Variants in ABCA13 observed in about 807,000 individuals in gnomAD.
ABCA13 encodes the protein ATP binding cassette subfamily A member 13.
A neutral mutation model predicts 478.7 loss-of-function variants in ABCA13; 476 were observed. The observed-to-expected ratio is 0.99, with a 90% CI of 0.92 to 1.07. ABCA13 has a LOEUF of 1.07. Among genes scored for constraint, ABCA13 ranks in the 50% least tolerant of loss-of-function variants. The probability of loss-of-function intolerance (pLI) is 0.00; values close to 1 mark genes in which losing one functional copy is unlikely to be tolerated. For synonymous variants in ABCA13, 2,252 were observed against 2,158.9 expected (o/e 1.04, Z -1.20); for missense variants, 6,060 against 5,910.6 (o/e 1.03, Z -0.83).
At chr7:48,536,653 A>C (rs568422390) in intron 55 of ABCA13, among the ~76,000 whole-genome samples, 2 of 152,120 alleles carry the variant, frequency 1.3e-5, no homozygotes, top group African/African-American at 4.8e-5. Flanking sequence ...ATCTCAAAAA[A>C]AAAAAAAATT....
chr7:48,443,127 A>C (rs1448003332), intron 42 of ABCA13, among the ~76,000 whole-genome samples: 1 of 152,190 alleles, frequency 6.6e-6, no homozygotes, highest in Non-Finnish European at 1.5e-5. Flanking sequence ...AACCAAGGAG[A>C]GAGGCCTCAG....
intron 15 of ABCA13, among the ~76,000 whole-genome samples, chr7:48,268,686 T>C (rs1390714976): frequency 6.6e-6 from 1 of 152,096 alleles, no homozygotes. Flanking sequence ...CTCCTTCCTG[T>C]GCCATGGCCT....
At chr7:48,251,668 G>C (rs1792585019) in intron 15 of ABCA13, among the ~76,000 whole-genome samples, 1 of 151,734 alleles carries the variant, frequency 6.6e-6, no homozygotes, top group African/African-American at 2.4e-5. Context: ...TACTAAATAT[G>C]TATATTATTT....
chr7:48,298,339 A>G, intron 22 of ABCA13, 27 bp from the exon 23 acceptor site: 1 of 1,586,494 alleles, frequency 6.3e-7, no homozygotes, highest in Non-Finnish European at 8.6e-7. Flanking sequence ...TTTATTACAC[A>G]AATTTCTTAT....
intron 59 of ABCA13, among the ~76,000 whole-genome samples, chr7:48,639,016 T>C (rs1794904769): frequency 6.6e-6 from 1 of 152,204 alleles, no homozygotes; most frequent in Admixed American, 6.5e-5. Context: ...ACCTCGCTTC[T>C]GTAAATCAGA....
rs1788455782 is a variant in ABCA13, at chr7:48,579,068, T to A, written c.14355-1156T>A. Among the ~76,000 whole-genome samples, 2 of 152,188 alleles carry A rather than the reference T, an allele frequency of 1.3e-5. 1 individual carries two copies. The highest frequency in any genetic ancestry group is 4.8e-5 in the African/African-American group (2 of 41,446). On this transcript the variant is annotated intron_variant, in intron 55 of 61. Transcript: ENST00000435803. ...ACATAGGATAAAATCTAGGTGACCT[T>A]GGATGTGACAATGCCTTTTTAGAGA...
chr7:48,273,366 T>A lies in ABCA13; in HGVS notation c.3700T>A (p.Phe1234Ile). 6.2e-7 allele frequency: 1 copy of A among 1,613,712 alleles called. No homozygotes were observed. Among genetic ancestry groups the A allele is most frequent in the Non-Finnish European group, 8.5e-7 (1 of 1,179,748 alleles). The change falls in exon 17 of 62, where the codon TTT (phenylalanine) becomes ATT (isoleucine). Residue 1234 changes from phenylalanine (F) to isoleucine (I), a missense_variant. Coordinates refer to ENST00000435803, the MANE Select transcript of ABCA13 (RefSeq NM_152701.5). The part of the protein sequence containing the change: ...NWEDFLDLRD[F>I]LVALGNALVS... ...GGAGGACTTCCTGGATCTCAGGGAT[T>A]TTTTGGTAGCTTTAGGTAATGCATT...
intron 31 of ABCA13, among the ~76,000 whole-genome samples, chr7:48,357,798 G>A (rs1432168092): frequency 4.6e-5 from 7 of 151,824 alleles, no homozygotes; most frequent in South Asian, 2.1e-4. Context: ...AGCACTTTGT[G>A]CAGGATGCTT....
At chr7:48,175,765 T>G (rs1794772947) in intron 1 of ABCA13, among the ~76,000 whole-genome samples, 1 of 152,208 alleles carries the variant, frequency 6.6e-6, no homozygotes, top group South Asian at 2.1e-4. Context: ...TATAGTCATA[T>G]AGAGCACTGG....
At chr7:48,343,367 T>G (rs987143156) in intron 29 of ABCA13, among the ~76,000 whole-genome samples, 2 of 152,132 alleles carry the variant, frequency 1.3e-5, no homozygotes, top group Non-Finnish European at 2.9e-5. Flanking sequence ...TACTCCTGGA[T>G]AGATTCCCTA....
intron 58 of ABCA13, among the ~76,000 whole-genome samples, chr7:48,614,981 C>T (rs1269528496): frequency 6.7e-6 from 1 of 149,728 alleles, no homozygotes; most frequent in Non-Finnish European, 1.5e-5. Context: ...CACATGTATA[C>T]ATATGTAACA....
At chr7:48,473,749 G>A (rs981625614) in intron 45 of ABCA13, among the ~76,000 whole-genome samples, 1 of 152,156 alleles carries the variant, frequency 6.6e-6, no homozygotes, top group African/African-American at 2.4e-5. Flanking sequence ...TCACTCCAGT[G>A]CCTCTCTGGG....
At chr7:48,433,938 T>C (rs1329722277) in intron 42 of ABCA13, among the ~76,000 whole-genome samples, 2 of 152,120 alleles carry the variant, frequency 1.3e-5, no homozygotes, top group Non-Finnish European at 2.9e-5. Flanking sequence ...ACATTTGTGT[T>C]GCTTTCATCT....
At chr7:48,405,780 AACAG>A (rs534655848) in intron 39 of ABCA13, among the ~76,000 whole-genome samples, 4 of 152,346 alleles carry the variant, frequency 2.6e-5, no homozygotes, top group South Asian at 4.1e-4. Context: ...AAGTCTCAGA[AACAG>A]ACAGTTTTCT....
rs1825553809 is a variant in ABCA13 at position 48,455,395 on chromosome 7, T to C, written c.12815+109T>C. The C allele has an allele frequency of 5.8e-6, 8 of 1,379,908 alleles. No homozygotes were observed. The Admixed American group carries it at 7.8e-5, about 13-fold the overall frequency. 85.5% of individuals were successfully genotyped at this position (1,379,908 alleles called of 1,614,324 possible). On this transcript the variant is annotated intron_variant, in intron 43 of 61. Coordinates refer to ENST00000435803, the MANE Select transcript of ABCA13 (RefSeq NM_152701.5). Reference sequence around the variant, plus strand: ...TAGATAAAAACTGGAAATATAAATGTTTTCATTATTTCCGAGGTCTGAATT... The same window carrying C: ...TAGATAAAAACTGGAAATATAAATGCTTTCATTATTTCCGAGGTCTGAATT...
intron 47 of ABCA13, among the ~76,000 whole-genome samples, chr7:48,488,082 G>A (rs1434343000): frequency 6.6e-6 from 1 of 151,846 alleles, no homozygotes; most frequent in Non-Finnish European, 1.5e-5. Flanking sequence ...TCTCCTTGGG[G>A]TTTAAAAAAA....
chr7:48,447,201 G>T (rs1824414975), intron 42 of ABCA13, among the ~76,000 whole-genome samples: 1 of 152,168 alleles, frequency 6.6e-6, no homozygotes, highest in Non-Finnish European at 1.5e-5. Context: ...GACAGGACTA[G>T]CTCTGAGCAA....
At chr7:48,239,136 A>T in intron 8 of ABCA13, 105 bp from the exon 9 acceptor site, 1 of 1,206,370 alleles carries the variant, frequency 8.3e-7, no homozygotes, top group South Asian at 1.4e-5. Flanking sequence ...TCAATCAAGC[A>T]AATGTAAGAA....
intron 41 of ABCA13, among the ~76,000 whole-genome samples, chr7:48,416,003 C>T (rs541452429): frequency 6.6e-6 from 1 of 152,138 alleles, no homozygotes; most frequent in Admixed American, 6.5e-5. Context: ...TCTTTCCTCC[C>T]TAATTTTCAG....
Sources: allele counts gnomAD v4.1 joint callset (sites outside exome capture counted in the v4.1 genomes callset), GRCh38; gene constraint gnomAD v4.1.1; transcripts MANE v1.5; gene names NCBI Gene and HGNC (gene_info 2026-07-23, HGNC 2026-07-21).